Variants in RELCH observed in about 807,000 individuals in gnomAD.
RELCH encodes the protein RAB11-binding protein RELCH.
A neutral mutation model predicts 150.3 loss-of-function variants in RELCH; 41 were observed. The observed-to-expected ratio is 0.27, with a 90% CI of 0.21 to 0.35. The LOEUF (loss-of-function observed/expected upper bound fraction) is 0.35, where lower values mean the gene tolerates loss of function less well. Among genes scored for constraint, RELCH ranks in the 10% least tolerant of loss-of-function variants. RELCH has a pLI of 1.00. For synonymous variants in RELCH, 478 were observed against 531.8 expected, an observed-to-expected ratio of 0.90 and a Z score of 1.39; for missense variants, 1,092 against 1,467.8, an observed-to-expected ratio of 0.74 and a Z score of 4.18.
chr18:62,303,128 G>A (rs1366927972), intron 28 of RELCH, among the ~76,000 whole-genome samples: 4 of 151,592 alleles, frequency 2.6e-5, no homozygotes, highest in Non-Finnish European at 4.4e-5. Flanking sequence ...TTTACACTGT[G>A]TCTTGGGGTG....
intron 1 of RELCH, among the ~76,000 whole-genome samples, chr18:62,206,159 A>G (rs73456643): frequency 0.1 from 15,250 of 152,212 alleles, 901 homozygotes; most frequent in East Asian, 0.19. Context: ...TCAGGTCACT[A>G]CAACCTCTGC....
At chr18:62,220,956 T>C in intron 2 of RELCH, 81 bp from the exon 3 acceptor site, 1 of 1,087,398 alleles carries the variant, frequency 9.2e-7, no homozygotes, top group Non-Finnish European at 1.4e-6. Context: ...TTCATACCCA[T>C]CCTTGCTTTT....
chr18:62,267,482 ATATGTGTG>A lies in RELCH; in HGVS notation c.2680+735_2680+742del, dbSNP rs1452404976. Among the ~76,000 whole-genome samples, 441 of 89,268 alleles carry A rather than the reference ATATGTGTG, an allele frequency of 4.9e-3. 3 individuals carry two copies. The highest frequency in any genetic ancestry group is 0.018 in the African/African-American group (407 of 23,006). The allele number at this position is 89,268 out of a possible 152,430, so 58.6% of individuals were successfully genotyped here. A position where few individuals can be genotyped will look rare whatever the true frequency, so the allele number is the denominator to read the frequency against. On this transcript the variant is annotated intron_variant, in intron 19 of 28. Transcript: ENST00000644646. Reference sequence around the variant, plus strand: ...TAGAATATATATATAGTCTAGGTATATATGTGTGTGTGTGTGTGTGTGTGTGTGTGTGT... The same window carrying A: ...TAGAATATATATATAGTCTAGGTATATGTGTGTGTGTGTGTGTGTGTGTGT...
chr18:62,202,120 G>GT (rs1426277301), intron 1 of RELCH, among the ~76,000 whole-genome samples: 1 of 152,172 alleles, frequency 6.6e-6, no homozygotes, highest in Non-Finnish European at 1.5e-5. Flanking sequence ...GAGTTATAAA[G>GT]TGAATTGTTA....
At chr18:62,223,803 A>G (rs561095727) in intron 5 of RELCH, among the ~76,000 whole-genome samples, 2 of 152,264 alleles carry the variant, frequency 1.3e-5, no homozygotes, top group East Asian at 3.9e-4. Flanking sequence ...AATTGATCAT[A>G]TTAAAAAGAA....
At chr18:62,194,500 C>T (rs894006361) in intron 1 of RELCH, among the ~76,000 whole-genome samples, 1 of 152,162 alleles carries the variant, frequency 6.6e-6, no homozygotes, top group South Asian at 2.1e-4. Context: ...AATATTCCTC[C>T]TATAAACATG....
At position 62,273,989 on chromosome 18, in the gene RELCH, C is replaced by G; in HGVS notation, c.2770C>G (p.Arg924Gly). ...VLTCYIQEED[R>G]KLLVGFLEDV... ...TATTTTTCCTCTGTAGGAAGAAGAC[C>G]GAAAACTGTTAGTTGGATTCTTAGA... The change falls in exon 21 of 29, where the codon CGA (arginine) becomes GGA (glycine). Residue 924 changes from arginine to glycine, a missense_variant. Physicochemically the swap from Arg to Gly is moderately radical, Grantham distance 125. Coordinates refer to ENST00000644646, the MANE Select transcript of RELCH (RefSeq NM_001346231.2). The G allele has an allele frequency of 1.2e-6, 2 of 1,608,140 alleles. No homozygotes were observed. The highest frequency in any genetic ancestry group is 1.7e-6 in the Non-Finnish European group (2 of 1,175,456).
Position 62,231,240 on chromosome 18 carries a change from A to C in RELCH, c.1495A>C (p.Met499Leu), listed in dbSNP as rs1245358597. Residue 499 changes from methionine to leucine, a missense_variant, in exon 9 of 29, where the codon ATG (methionine) becomes CTG (leucine). Coordinates refer to ENST00000644646, the MANE Select transcript of RELCH (RefSeq NM_001346231.2). Reference protein sequence around the residue: ...FHQALLSFCRMSADSRLGYEV... With the variant: ...FHQALLSFCRLSADSRLGYEV... ...TCAAGCACTACTCTCTTTTTGTCGA[A>C]TGTCAGCAGATAGTCGTTTAGGATA... The C allele has an allele frequency of 6.2e-7, 1 of 1,608,026 alleles. No individual in the cohort carries two copies.
intron 28 of RELCH, among the ~76,000 whole-genome samples, chr18:62,302,287 G>A (rs1298307263): frequency 6.6e-6 from 1 of 152,184 alleles, no homozygotes; most frequent in African/African-American, 2.4e-5. Flanking sequence ...AAACACTATA[G>A]GCAGTTCATT....
At chr18:62,201,104 G>A (rs1024593631) in intron 1 of RELCH, among the ~76,000 whole-genome samples, 1 of 150,242 alleles carries the variant, frequency 6.7e-6, no homozygotes, top group Non-Finnish European at 1.5e-5. Flanking sequence ...CTCCCAAGTA[G>A]CTGGGTCTAC....
Position 62,187,773 on chromosome 18 carries a change from G to A in RELCH, c.268G>A (p.Ala90Thr). ...VALGGTGETPARLSIDAIAAQ... is the reference protein window; with the variant it reads ...VALGGTGETPTRLSIDAIAAQ... ...CCTGGGGGGCACCGGGGAGACCCCG[G>A]CCCGATTATCAATTGATGCGATCGC... Residue 90 changes from alanine (A) to threonine (T), a missense_variant, in exon 1 of 29, where the codon GCC (alanine) becomes ACC (threonine). By Grantham distance (58) the Ala-to-Thr change is moderately conservative. Coordinates refer to ENST00000644646, the MANE Select transcript of RELCH (RefSeq NM_001346231.2). The A allele has an allele frequency of 3.7e-6, 6 of 1,608,468 alleles. No homozygotes were observed. In the Middle Eastern group the frequency reaches 9.9e-4, roughly 266 times the overall value.
chr18:62,221,384 G>A lies in RELCH; in HGVS notation c.745G>A (p.Glu249Lys). 6.3e-7 allele frequency: 1 copy of A among 1,594,068 alleles called. No individual in the cohort carries two copies. The highest frequency in any genetic ancestry group is 8.6e-7 in the Non-Finnish European group (1 of 1,162,786). ...TGTTTGCCTCTTATTTTGCTTCCAG[G>A]AGCCAATCAAACCTCTTGAAAAGAG... ...KNYKSSPEIQ[E>K]PIKPLEKRAL... Residue 249 changes from glutamate (E) to lysine (K), a missense_variant and splice_region_variant, in exon 5 of 29, where the codon GAG (glutamate) becomes AAG (lysine). Glu to Lys is a moderately conservative substitution (Grantham distance 56). Coordinates refer to ENST00000644646, the MANE Select transcript of RELCH (RefSeq NM_001346231.2).
At position 62,225,414 on chromosome 18, in the gene RELCH, G is replaced by A. The variant is rs185658645; in HGVS notation, c.859-1875G>A. 2.1e-3 allele frequency among the ~76,000 whole-genome samples: 318 copies of A among 151,998 alleles called. 4 individuals carry two copies. Among genetic ancestry groups the A allele is most frequent in the African/African-American group, 7.4e-3 (308 of 41,520 alleles). On this transcript the variant is annotated intron_variant, in intron 5 of 28. Coordinates refer to ENST00000644646, the MANE Select transcript of RELCH (RefSeq NM_001346231.2). ...AAGTGAATGAGAAGACCGAGAGGGT[G>A]AAAATATTGCAAGTAACATATCTAA...
At chr18:62,300,388 AG>A (rs1380944767) in intron 28 of RELCH, 2 of 152,208 alleles carry the variant, frequency 1.3e-5, no homozygotes, top group East Asian at 3.8e-4. Flanking sequence ...TTGCCTCTTC[AG>A]GGAAGCCTTC....
intron 23 of RELCH, chr18:62,280,342 A>ATGT: frequency 1.9e-6 from 3 of 1,610,564 alleles, no homozygotes; most frequent in Non-Finnish European, 2.5e-6. Flanking sequence ...TTTTTATTGC[A>ATGT]TGTTGACTGG....
rs2144911706 is a variant in RELCH at position 62,278,618 on chromosome 18, T to C, written c.2968-1156T>C. Among the ~76,000 whole-genome samples the C allele has an allele frequency of 1.3e-5, 2 of 152,246 alleles. 1 individual carries two copies. ...TCTTTGATCTTCTGTGAGGACTAAG[T>C]ACTAGCTACTAGGTAAACAGATTGG... On this transcript the variant is annotated intron_variant, in intron 22 of 28. Coordinates refer to ENST00000644646, the MANE Select transcript of RELCH (RefSeq NM_001346231.2).
chr18:62,232,487 A>G, intron 10 of RELCH, 60 bp downstream of exon 10: 2 of 1,022,052 alleles, frequency 2.0e-6, no homozygotes, highest in Non-Finnish European at 1.5e-6. Flanking sequence ...ATTTTTTGTC[A>G]TTTTGAAGTT....
chr18:62,274,232 G>A (rs1032286278), intron 21 of RELCH, 146 bp downstream of exon 21: 4 of 575,004 alleles, frequency 7.0e-6, no homozygotes, highest in African/African-American at 5.9e-5. Context: ...GTGTATTTTA[G>A]TTTGTTTCTT....
At chr18:62,254,871 C>G (rs544252319) in intron 12 of RELCH, among the ~76,000 whole-genome samples, 13 of 152,146 alleles carry the variant, frequency 8.5e-5, no homozygotes, top group African/African-American at 2.9e-4. Context: ...ATCACAATAG[C>G]AAAACCCCAT....
Sources: gnomAD v4.1 joint callset for allele counts (sites outside exome capture counted in the v4.1 genomes callset) on GRCh38, gnomAD v4.1.1 for gene constraint, MANE v1.5 for transcripts, NCBI Gene and HGNC (gene_info 2026-07-23, HGNC 2026-07-21) for gene names.